HLCS: variants seen among roughly 807,000 people sequenced by gnomAD.
HLCS encodes the protein biotin--protein ligase.
Under a neutral mutation model 75.0 loss-of-function variants are expected in HLCS, and 53 were observed. The observed-to-expected ratio is 0.71, with a 90% CI of 0.57 to 0.89. The LOEUF is 0.89. Among genes scored for constraint, HLCS ranks in the 40% least tolerant of loss-of-function variants. The pLI is 0.00. For synonymous variants in HLCS, 431 were observed against 428.6 expected (o/e 1.01, Z -0.07); for missense variants, 966 against 1,074.0 (o/e 0.90, Z 1.41).
intron 6 of HLCS, among the ~76,000 whole-genome samples, chr21:36,781,359 T>A (rs999454924): frequency 6.6e-6 from 1 of 152,202 alleles, no homozygotes; most frequent in Non-Finnish European, 1.5e-5. Context: ...GATTTTGAGT[T>A]GTCCTACCTA....
At chr21:36,968,728 T>A (rs749500779), upstream of HLCS, 5 of 152,208 alleles carry the variant, frequency 3.3e-5, no homozygotes, top group Non-Finnish European at 7.3e-5. Context: ...ATCCTAAATG[T>A]TTCACTGAAC....
At chr21:36,790,753 G>C (rs2060837404) in intron 6 of HLCS, among the ~76,000 whole-genome samples, 1 of 152,206 alleles carries the variant, frequency 6.6e-6, no homozygotes, top group Non-Finnish European at 1.5e-5. Context: ...CAGGAAGGCA[G>C]GTCAGAAGCT....
At chr21:36,985,746 A>C (rs1438179967) in intron 1 of HLCS, among the ~76,000 whole-genome samples, 1 of 151,430 alleles carries the variant, frequency 6.6e-6, no homozygotes, top group East Asian at 1.9e-4. Context: ...AGCCTGGGTG[A>C]CAGAGTGAGA....
At chr21:36,787,703 G>A (rs189956205) in intron 6 of HLCS, among the ~76,000 whole-genome samples, 362 of 152,208 alleles carry the variant, frequency 2.4e-3, no homozygotes, top group African/African-American at 8.2e-3. Context: ...GGTCAGAGCC[G>A]CTCGACCATG....
At chr21:36,883,987 T>C (rs541925996) in intron 6 of HLCS, among the ~76,000 whole-genome samples, 4 of 152,164 alleles carry the variant, frequency 2.6e-5, no homozygotes, top group African/African-American at 4.8e-5. Flanking sequence ...TTATTCAGTA[T>C]AGATTTAATG....
At chr21:36,965,616 G>C (rs12626528) in intron 1 of HLCS, among the ~76,000 whole-genome samples, 92,815 of 152,086 alleles carry the variant, frequency 0.61, 28,630 homozygotes, top group East Asian at 0.75. Flanking sequence ...GGGTGCCCAA[G>C]TTGGTGAATG....
At chr21:36,816,670 A>G (rs1341048688) in intron 6 of HLCS, among the ~76,000 whole-genome samples, 1 of 152,172 alleles carries the variant, frequency 6.6e-6, no homozygotes, top group East Asian at 1.9e-4. Flanking sequence ...ACACAGTTGT[A>G]TGGGTAAGCC....
intron 6 of HLCS, among the ~76,000 whole-genome samples, chr21:36,771,882 C>G (rs1475431827): frequency 6.6e-6 from 1 of 151,772 alleles, no homozygotes; most frequent in African/African-American, 2.4e-5. Flanking sequence ...GCCTGTAATC[C>G]CAGCTATGTG....
intron 6 of HLCS, among the ~76,000 whole-genome samples, chr21:36,781,841 C>T (rs1468336937): frequency 6.6e-6 from 1 of 152,114 alleles, no homozygotes; most frequent in East Asian, 1.9e-4. Flanking sequence ...ACTTACAAGT[C>T]AGTAAATTAT....
chr21:36,833,593 T>TTATATATATATATATATATA (rs56412653), intron 6 of HLCS, among the ~76,000 whole-genome samples: 28 of 139,998 alleles, frequency 2.0e-4, no homozygotes, highest in African/African-American at 7.5e-4. Flanking sequence ...TAAAAAAAAA[T>TTATATATATATATATATATA]TATATATATA....
At chr21:36,804,691 G>A (rs974734010) in intron 6 of HLCS, among the ~76,000 whole-genome samples, 5 of 152,094 alleles carry the variant, frequency 3.3e-5, no homozygotes, top group Non-Finnish European at 7.3e-5. Flanking sequence ...TTTAAGATTT[G>A]AGTTTCCTGG....
intron 1 of HLCS, among the ~76,000 whole-genome samples, chr21:36,973,227 C>CTT (rs11327894): frequency 3.2e-4 from 29 of 91,044 alleles, no homozygotes; most frequent in South Asian, 9.2e-4. Context: ...AAGACCCTGT[C>CTT]TTTTTTTTTT....
chr21:36,956,149 CGTGGTGTCT>C (rs972135837), intron 2 of HLCS, among the ~76,000 whole-genome samples: 11 of 152,132 alleles, frequency 7.2e-5, no homozygotes, highest in African/African-American at 2.7e-4. Context: ...TGTTCAAAAA[CGTGGTGTCT>C]GTTAATCCAG....
intron 6 of HLCS, among the ~76,000 whole-genome samples, chr21:36,823,407 A>G (rs1304832359): frequency 6.6e-6 from 1 of 152,210 alleles, no homozygotes; most frequent in Non-Finnish European, 1.5e-5. Context: ...CAGTTCAATA[A>G]TACAAATAAT....
In HLCS at chr21:36,853,499, T is replaced by A. The variant is rs576715974; in HGVS notation, c.1892+43361A>T. Among the ~76,000 whole-genome samples the A allele has an allele frequency of 2.0e-5, 3 of 152,338 alleles. No individual in the cohort carries two copies. In the South Asian group the frequency reaches 6.2e-4, roughly 32 times the overall value. On this transcript the variant is annotated intron_variant, in intron 6 of 10. Coordinates refer to ENST00000674895, the MANE Select transcript of HLCS (RefSeq NM_001352514.2). ...ACATGGGATAAAATACAAGTTTTTTTAAGTATGTTATTGTATTGATGAGGT... is the reference window on the plus strand; with the variant it reads ...ACATGGGATAAAATACAAGTTTTTTAAAGTATGTTATTGTATTGATGAGGT...
At chr21:36,796,932 T>C (rs1228976363) in intron 6 of HLCS, among the ~76,000 whole-genome samples, 1 of 151,888 alleles carries the variant, frequency 6.6e-6, no homozygotes, top group Non-Finnish European at 1.5e-5. Context: ...AGTGGAGTGA[T>C]CTCGGCTCAC....
chr21:36,955,851 T>C (rs1198892042), intron 2 of HLCS, among the ~76,000 whole-genome samples: 1 of 152,196 alleles, frequency 6.6e-6, no homozygotes, highest in Non-Finnish European at 1.5e-5. Flanking sequence ...TTTTTTATCT[T>C]TTATACTGTA....
intron 8 of HLCS, among the ~76,000 whole-genome samples, chr21:36,760,562 A>G (rs546875733): frequency 1.8e-4 from 27 of 151,696 alleles, no homozygotes; most frequent in African/African-American, 6.1e-4. Context: ...GCGAGCCGAG[A>G]TCGTGCCACT....
chr21:36,854,878 G>C (rs902764522), intron 6 of HLCS, among the ~76,000 whole-genome samples: 1 of 152,122 alleles, frequency 6.6e-6, no homozygotes, highest in Non-Finnish European at 1.5e-5. Context: ...TTCTATTTTT[G>C]CGGGTACACA....
Sources: gnomAD v4.1 joint callset for allele counts (sites outside exome capture counted in the v4.1 genomes callset) on GRCh38, gnomAD v4.1.1 for gene constraint, MANE v1.5 for transcripts, NCBI Gene and HGNC (gene_info 2026-07-23, HGNC 2026-07-21) for gene names.